Variants in LAMA2 observed in about 807,000 individuals in gnomAD.
LAMA2 encodes laminin subunit alpha-2.
Under a neutral mutation model 364.8 loss-of-function variants are expected in LAMA2, and 269 were observed. The ratio of observed to expected loss-of-function variants is 0.74; its 90% CI spans 0.67 to 0.82. The LOEUF is 0.82. LAMA2 is among the 40% of genes least tolerant of loss of function. LAMA2 has a pLI of 0.00. For missense variants in LAMA2, 3,807 were observed against 3,873.2 expected (o/e 0.98, Z 0.45); for synonymous variants, 1,379 against 1,370.6 (o/e 1.01, Z -0.14).
intron 56 of LAMA2, among the ~76,000 whole-genome samples, chr6:129,491,564 AC>A (rs1258679507): frequency 6.6e-6 from 1 of 152,156 alleles, no homozygotes; most frequent in East Asian, 1.9e-4. Flanking sequence ...AAACCTGCCA[AC>A]CCTTATACGG....
At chr6:129,246,150 T>TAGTA (rs1785738027) in intron 12 of LAMA2, among the ~76,000 whole-genome samples, 1 of 152,166 alleles carries the variant, frequency 6.6e-6, no homozygotes, top group South Asian at 2.1e-4. Context: ...ACCTTTGGGG[T>TAGTA]AGTATATACC....
intron 15 of LAMA2, among the ~76,000 whole-genome samples, chr6:129,265,087 A>G (rs1252297014): frequency 1.3e-4 from 20 of 152,170 alleles, no homozygotes; most frequent in Admixed American, 1.2e-3. Flanking sequence ...TTACTAATCC[A>G]TCAGAGAGAG....
chr6:129,210,003 C>CAGAAAAAAAAAAA (rs1782984055), intron 12 of LAMA2, among the ~76,000 whole-genome samples: 1 of 67,646 alleles, frequency 1.5e-5, no homozygotes, highest in Non-Finnish European at 3.0e-5. Flanking sequence ...GACTCCATCT[C>CAGAAAAAAAAAAA]AAAAAAAAAA....
chr6:129,411,705 C>T (rs2114712192), intron 40 of LAMA2, among the ~76,000 whole-genome samples: 1 of 150,038 alleles, frequency 6.7e-6, no homozygotes, highest in South Asian at 2.1e-4. Flanking sequence ...CACTGAACTA[C>T]TACAAATACG....
At chr6:129,316,984 AT>A (rs1186699078) in intron 27 of LAMA2, among the ~76,000 whole-genome samples, 2 of 152,236 alleles carry the variant, frequency 1.3e-5, no homozygotes, top group Non-Finnish European at 2.9e-5. Flanking sequence ...TGATTGTTTA[AT>A]TTGAAAGAGT....
At chr6:129,129,901 G>A (rs1189338908) in intron 4 of LAMA2, among the ~76,000 whole-genome samples, 1 of 143,422 alleles carries the variant, frequency 7.0e-6, no homozygotes, top group Non-Finnish European at 1.5e-5. Flanking sequence ...TCCAGCCTGG[G>A]CGACAGAGCG....
chr6:129,190,411 T>C, intron 11 of LAMA2, 66 bp downstream of exon 11: 1 of 1,523,076 alleles, frequency 6.6e-7, no homozygotes, highest in East Asian at 2.3e-5. Context: ...TCATCGTTGT[T>C]CTTTTGTATG....
chr6:129,174,313 C>A (rs1780421866), intron 9 of LAMA2, among the ~76,000 whole-genome samples: 1 of 151,856 alleles, frequency 6.6e-6, no homozygotes, highest in South Asian at 2.1e-4. Context: ...TTTTCCAATA[C>A]TCTTTTTTAC....
intron 1 of LAMA2, among the ~76,000 whole-genome samples, chr6:128,890,542 T>TACACACACACACACACAC (rs56972149): frequency 0.018 from 2,671 of 147,364 alleles, 73 homozygotes; most frequent in African/African-American, 0.064. Context: ...TTCATTTAAA[T>TACACACACACACACACAC]ACACACACAC....
chr6:129,155,106 T>G (rs2114977302), intron 8 of LAMA2, among the ~76,000 whole-genome samples: 1 of 152,336 alleles, frequency 6.6e-6, no homozygotes, highest in African/African-American at 2.4e-5. Context: ...CTGAGTAGTA[T>G]TTCTCTGCAC....
intron 1 of LAMA2, among the ~76,000 whole-genome samples, chr6:128,901,820 G>A (rs1777101717): frequency 6.6e-6 from 1 of 152,178 alleles, no homozygotes. Context: ...TGACTGCAGA[G>A]TTTATTCATT....
intron 43 of LAMA2, among the ~76,000 whole-genome samples, chr6:129,442,415 C>T (rs1202321863): frequency 6.6e-6 from 1 of 152,142 alleles, no homozygotes; most frequent in Non-Finnish European, 1.5e-5. Context: ...TACATAATAA[C>T]TTCTTATGAT....
intron 1 of LAMA2, among the ~76,000 whole-genome samples, chr6:128,995,937 C>T (rs1188887656): frequency 2.0e-5 from 3 of 152,142 alleles, no homozygotes; most frequent in South Asian, 2.1e-4. Context: ...GCCCTGCTCT[C>T]TTTTACTTCC....
chr6:128,906,886 A>T (rs1462621281), intron 1 of LAMA2, among the ~76,000 whole-genome samples: 3 of 151,150 alleles, frequency 2.0e-5, no homozygotes, highest in Non-Finnish European at 3.0e-5. Flanking sequence ...CATTTATTAA[A>T]TAGGGAATCC....
intron 41 of LAMA2, among the ~76,000 whole-genome samples, chr6:129,429,003 C>T (rs1233675898): frequency 6.6e-6 from 1 of 152,110 alleles, no homozygotes; most frequent in Non-Finnish European, 1.5e-5. Context: ...ATTCATAATT[C>T]CTCCCAAACA....
Position 129,486,612 on chromosome 6 carries a change from C to T in LAMA2, c.7888C>T (p.Arg2630Ter), listed in dbSNP as rs727502851. 15 of 1,613,378 alleles carry T rather than the reference C, an allele frequency of 9.3e-6. No individual in the cohort carries two copies. The highest frequency in any genetic ancestry group is 1.3e-5 in the African/African-American group (1 of 74,874). The change falls in exon 56 of 65, where the codon CGA (arginine) becomes TGA (stop). Residue 2630 changes from arginine to a stop codon, truncating the protein, a stop_gained. Coordinates refer to ENST00000421865, the MANE Select transcript of LAMA2 (RefSeq NM_000426.4). LOFTEE classifies it high-confidence loss of function. ...DGREHSVHVE[R>*]TRGIFTVQVD... ...AAGAGAACATTCCGTTCATGTAGAGCGAACTAGAGGGTAACAATAGCACTA... is the reference window on the plus strand; with the variant it reads ...AAGAGAACATTCCGTTCATGTAGAGTGAACTAGAGGGTAACAATAGCACTA...
intron 12 of LAMA2, among the ~76,000 whole-genome samples, chr6:129,222,801 A>T (rs1192696483): frequency 6.6e-6 from 1 of 152,184 alleles, no homozygotes; most frequent in African/African-American, 2.4e-5. Flanking sequence ...CGCAATAAAC[A>T]TACATGTGCA....
At chr6:129,337,068 G>A (rs73776954) in intron 29 of LAMA2, among the ~76,000 whole-genome samples, 1,776 of 152,266 alleles carry the variant, frequency 0.012, 28 homozygotes, top group African/African-American at 0.04. Flanking sequence ...TTTCCAACAT[G>A]CAGGTCTATG....
At chr6:128,972,432 G>A (rs567752333) in intron 1 of LAMA2, among the ~76,000 whole-genome samples, 2 of 152,274 alleles carry the variant, frequency 1.3e-5, no homozygotes, top group Admixed American at 1.3e-4. Flanking sequence ...TGCTTGTTGT[G>A]AACATTCAAT....
Sources: gnomAD v4.1 joint callset for allele counts (sites outside exome capture counted in the v4.1 genomes callset) on GRCh38, gnomAD v4.1.1 for gene constraint, MANE v1.5 for transcripts, NCBI Gene and HGNC (gene_info 2026-07-23, HGNC 2026-07-21) for gene names.